Variants in SLC18A2 observed in about 807,000 individuals in gnomAD.
The protein encoded by SLC18A2 is synaptic vesicular amine transporter.
SLC18A2 carries 33 observed loss-of-function variants against 59.2 expected under a neutral mutation model. The ratio of observed to expected loss-of-function variants is 0.56; its 90% CI spans 0.42 to 0.75. The LOEUF (loss-of-function observed/expected upper bound fraction) is 0.75. Among genes scored for constraint, SLC18A2 ranks in the 30% least tolerant of loss-of-function variants. The pLI is 0.00. For missense variants in SLC18A2, 569 were observed against 668.6 expected (o/e 0.85, Z 1.64); for synonymous variants, 228 against 253.5 (o/e 0.90, Z 0.95).
At chr10:117,276,255 C>T (rs899807331) in intron 15 of SLC18A2, among the ~76,000 whole-genome samples, 1 of 151,942 alleles carries the variant, frequency 6.6e-6, no homozygotes, top group African/African-American at 2.4e-5. Flanking sequence ...CACCACTGCA[C>T]TATGGCATGA....
intron 15 of SLC18A2, 123 bp from the exon 16 acceptor site, chr10:117,277,039 A>G (rs1844506611): frequency 1.8e-6 from 1 of 558,134 alleles, no homozygotes; most frequent in Non-Finnish European, 3.1e-6. Context: ...GCTCCAAATG[A>G]CTGGTTAATA....
intron 10 of SLC18A2, among the ~76,000 whole-genome samples, chr10:117,260,711 G>A (rs1187125616): frequency 1.3e-5 from 2 of 152,078 alleles, no homozygotes; most frequent in East Asian, 1.9e-4. Context: ...CCTATTATTG[G>A]GCATTTGGGC....
intron 12 of SLC18A2, 191 bp from the exon 13 acceptor site, chr10:117,267,482 C>T (rs1335040971): frequency 2.1e-6 from 1 of 476,230 alleles, no homozygotes; most frequent in Admixed American, 3.3e-5. Context: ...GGTCATAAAA[C>T]TCGTTTCAAG....
At chr10:117,246,289 T>C (rs1844110154) in intron 3 of SLC18A2, among the ~76,000 whole-genome samples, 1 of 152,240 alleles carries the variant, frequency 6.6e-6, no homozygotes. Flanking sequence ...GCTGAAATGA[T>C]GTGAGTACTC....
At chr10:117,272,111 A>G (rs1334984276) in intron 15 of SLC18A2, among the ~76,000 whole-genome samples, 2 of 152,134 alleles carry the variant, frequency 1.3e-5, no homozygotes, top group Non-Finnish European at 2.9e-5. Context: ...GAGAAATGAT[A>G]ACGTCTACCT....
At chr10:117,252,465 C>A (rs956162910) in intron 3 of SLC18A2, among the ~76,000 whole-genome samples, 2 of 152,000 alleles carry the variant, frequency 1.3e-5, no homozygotes, top group African/African-American at 2.4e-5. Flanking sequence ...TTGGAGCAAA[C>A]CTTCAATTGG....
intron 10 of SLC18A2, among the ~76,000 whole-genome samples, chr10:117,260,917 G>C (rs945975857): frequency 6.6e-6 from 1 of 152,198 alleles, no homozygotes; most frequent in African/African-American, 2.4e-5. Flanking sequence ...GTCCTTGTAC[G>C]TATCTTTAGG....
At chr10:117,257,750 T>C in intron 9 of SLC18A2, 47 bp from the exon 10 acceptor site, 1 of 1,289,400 alleles carries the variant, frequency 7.8e-7, no homozygotes, top group Non-Finnish European at 1.1e-6. Flanking sequence ...TGCCTGGAAA[T>C]GAGAGAGGAG....
intron 10 of SLC18A2, among the ~76,000 whole-genome samples, chr10:117,262,848 C>G (rs1322177162): frequency 6.6e-6 from 1 of 152,084 alleles, no homozygotes. Flanking sequence ...TAGCTGAACT[C>G]TCATCCTCTT....
Position 117,257,727 on chromosome 10 carries a change from T to A in SLC18A2, c.896-70T>A, listed in dbSNP as rs146700953. 3,977 of 931,552 alleles carry A rather than the reference T, an allele frequency of 4.3e-3. 14 individuals carry two copies. The highest frequency in any genetic ancestry group is 6.3e-3 in the Admixed American group (245 of 39,136). 57.7% of individuals were successfully genotyped at this position (931,552 alleles called of 1,614,324 possible). A position where few individuals can be genotyped will look rare whatever the true frequency, so the allele number is the denominator to read the frequency against. On this transcript the variant is annotated intron_variant, in intron 9 of 15. Transcript: ENST00000644641. ...TGCGGTTATCTGAGCTGTAGGCGCA[T>A]GGAGTCTAACTGTGCCTGGAAATGA... is the stretch of plus-strand genomic sequence containing the variant.
intron 10 of SLC18A2, among the ~76,000 whole-genome samples, chr10:117,258,749 T>C (rs79731304): frequency 0.055 from 8,140 of 147,548 alleles, 342 homozygotes; most frequent in East Asian, 0.2. Context: ...CTAAATAATA[T>C]GTGTACACCC....
chr10:117,279,286 T>C lies in SLC18A2; in HGVS notation c.*2020T>C, dbSNP rs1187199336. The C allele has an allele frequency of 6.6e-6, 1 of 152,232 alleles. No homozygotes were observed. The highest frequency in any genetic ancestry group is 1.5e-5 in the Non-Finnish European group (1 of 68,040). The allele number at this position is 152,232 out of a possible 1,614,324, so 9.4% of individuals were successfully genotyped here. A position where few individuals can be genotyped will look rare whatever the true frequency, so the allele number is the denominator to read the frequency against. On this transcript the variant is annotated 3_prime_UTR_variant, in exon 16 of 16. Coordinates refer to ENST00000644641, the MANE Select transcript of SLC18A2 (RefSeq NM_003054.6). ...ATACAGCTCTCTGAACATTTATTTT[T>C]TGAACAGAGGTGGTTTTTATGTTTG...
rs569346200 is a variant in SLC18A2 at position 117,260,979 on chromosome 10, A to T, written c.991+3087A>T. On this transcript the variant is annotated intron_variant, in intron 10 of 15. Coordinates refer to ENST00000644641, the MANE Select transcript of SLC18A2 (RefSeq NM_003054.6). The stretch of plus-strand genomic sequence containing the variant: ...TGACTATGGGTCGTGACTGGCAAGG[A>T]ATGTGCTTTGCTAGTTTTAAGGTGG... Among the ~76,000 whole-genome samples the T allele has an allele frequency of 2.6e-5, 4 of 152,312 alleles. No homozygotes were observed. The South Asian group carries it at 8.3e-4, about 32-fold the overall frequency.
chr10:117,271,021 TAC>T (rs1218272691), intron 15 of SLC18A2, among the ~76,000 whole-genome samples: 1 of 152,226 alleles, frequency 6.6e-6, no homozygotes, highest in Non-Finnish European at 1.5e-5. Context: ...ATAGGCAAGA[TAC>T]AGAGTATAAA....
chr10:117,267,838 A>C, intron 13 of SLC18A2, 102 bp downstream of exon 13: 1 of 887,444 alleles, frequency 1.1e-6, no homozygotes. Flanking sequence ...AAATTTCCAG[A>C]ATCTTAGAAG....
intron 10 of SLC18A2, among the ~76,000 whole-genome samples, chr10:117,258,954 T>A (rs1023252748): frequency 5.3e-5 from 8 of 152,070 alleles, no homozygotes; most frequent in African/African-American, 1.9e-4. Flanking sequence ...TTTTTAAAAA[T>A]TTTCCAATTT....
intron 12 of SLC18A2, 108 bp downstream of exon 12, chr10:117,267,143 A>G: frequency 1.2e-6 from 1 of 811,046 alleles, no homozygotes; most frequent in Non-Finnish European, 2.0e-6. Flanking sequence ...TTGATGTTTT[A>G]TTACAGCTTT....
In SLC18A2 at chr10:117,266,593, C is replaced by T. The variant is rs577972852; in HGVS notation, c.992-140C>T. 65 of 673,506 alleles carry T rather than the reference C, an allele frequency of 9.7e-5. No homozygotes were observed. The African/African-American group carries it at 1.0e-3, about 11-fold the overall frequency. 41.7% of individuals were successfully genotyped at this position (673,506 alleles called of 1,614,324 possible). A position where few individuals can be genotyped will look rare whatever the true frequency, so the allele number is the denominator to read the frequency against. ...GGTCCAGACCGGATCCGGCAGGCGC[C>T]GGATATTAGCTGCTGGGGTGTGGGC... On this transcript the variant is annotated intron_variant, in intron 10 of 15. Transcript: ENST00000644641.
rs147489556 is a variant in SLC18A2, at chr10:117,254,436, T to C, written c.639T>C (p.Asp213=). The change falls in exon 6 of 16, where the codon GAT becomes GAC. Residue 213 remains aspartate, a synonymous_variant. Coordinates refer to ENST00000644641, the MANE Select transcript of SLC18A2 (RefSeq NM_003054.6). ...GMGMLASVYT[D]DEERGNVMGI... ...GCATGCTTGCCAGTGTCTACACAGA[T>C]GATGAAGAGAGAGGCAACGTCATGG... is the stretch of plus-strand genomic sequence containing the variant. The C allele has an allele frequency of 1.2e-4, 194 of 1,609,216 alleles. No individual in the cohort carries two copies. The highest frequency in any genetic ancestry group is 1.6e-4 in the Non-Finnish European group (186 of 1,177,380).
Sources: gnomAD v4.1 joint callset for allele counts (sites outside exome capture counted in the v4.1 genomes callset) on GRCh38, gnomAD v4.1.1 for gene constraint, MANE v1.5 for transcripts, NCBI Gene and HGNC (gene_info 2026-07-23, HGNC 2026-07-21) for gene names.